The following FAM81A variants were observed in gnomAD, a reference collection of about 807,000 sequenced individuals.
FAM81A encodes the protein family with sequence similarity 81 member A, also known as protein FAM81A.
Under a neutral mutation model 46.7 loss-of-function variants are expected in FAM81A, and 19 were observed. The observed-to-expected ratio is 0.41, with a 90% CI of 0.28 to 0.60. The LOEUF (loss-of-function observed/expected upper bound fraction) is 0.60. Ranked by LOEUF, FAM81A falls within the 20% of genes least tolerant of loss-of-function variation. FAM81A has a pLI of 0.34. For synonymous variants in FAM81A, 183 were observed against 152.9 expected, an observed-to-expected ratio of 1.20 and a Z score of -1.45; for missense variants, 377 against 453.5, an observed-to-expected ratio of 0.83 and a Z score of 1.53.
chr15:59,431,264 T>C (rs111334194), intron 2 of FAM81A, among the ~76,000 whole-genome samples: 66 of 152,170 alleles, frequency 4.3e-4, no homozygotes, highest in African/African-American at 1.5e-3. Context: ...AGATGGAGTC[T>C]CGCTTTGTCA....
intron 1 of FAM81A, among the ~76,000 whole-genome samples, chr15:59,440,475 C>T (rs77538017): frequency 0.046 from 6,936 of 152,272 alleles, 226 homozygotes; most frequent in Non-Finnish European, 0.068. Context: ...CAGCTTCATT[C>T]TCTTCTCTGC....
chr15:59,509,586 C>T (rs530419257), intron 6 of FAM81A, among the ~76,000 whole-genome samples: 6 of 152,146 alleles, frequency 3.9e-5, no homozygotes, highest in African/African-American at 1.2e-4. Context: ...ACAATGGAAG[C>T]GAGACTGCAG....
At chr15:59,503,532 G>A (rs952352476) in intron 4 of FAM81A, among the ~76,000 whole-genome samples, 2 of 151,760 alleles carry the variant, frequency 1.3e-5, no homozygotes, top group Non-Finnish European at 2.9e-5. Context: ...ATTGGATATG[G>A]AGTATTCTGC....
At chr15:59,433,683 C>G (rs2081230921), upstream of FAM81A, among the ~76,000 whole-genome samples, 1 of 152,170 alleles carries the variant, frequency 6.6e-6, no homozygotes, top group Non-Finnish European at 1.5e-5. Context: ...TTCTATTTTA[C>G]TATTAGCAAC....
intron 1 of FAM81A, among the ~76,000 whole-genome samples, chr15:59,451,075 T>G (rs1449292024): frequency 6.6e-6 from 1 of 152,214 alleles, no homozygotes; most frequent in African/African-American, 2.4e-5. Flanking sequence ...CATGTTTTGA[T>G]CATCATGTTT....
intron 1 of FAM81A, among the ~76,000 whole-genome samples, chr15:59,450,211 T>C (rs1234527627): frequency 6.6e-6 from 1 of 151,684 alleles, no homozygotes; most frequent in Non-Finnish European, 1.5e-5. Context: ...ATTACAGGCC[T>C]GAGCCACTGC....
At chr15:59,421,868 CCTCTATCT>C (rs1172203384) in intron 2 of FAM81A, among the ~76,000 whole-genome samples, 5 of 115,604 alleles carry the variant, frequency 4.3e-5, no homozygotes, top group African/African-American at 1.7e-4. Context: ...AACCCTCAAC[CCTCTATCT>C]ATCTATCTAT....
chr15:59,443,192 C>G (rs1346462592), intron 1 of FAM81A, among the ~76,000 whole-genome samples: 1 of 152,216 alleles, frequency 6.6e-6, no homozygotes, highest in East Asian at 1.9e-4. Flanking sequence ...AAGCAATTCT[C>G]CTGCCTCAGC....
chr15:59,498,593 G>T (rs1567070926), intron 4 of FAM81A, among the ~76,000 whole-genome samples: 1 of 152,096 alleles, frequency 6.6e-6, no homozygotes, highest in African/African-American at 2.4e-5. Flanking sequence ...CTCTTGTCTT[G>T]TTTTTTTATT....
Position 59,516,823 on chromosome 15 carries a change from A to T in FAM81A, c.965A>T (p.Lys322Ile). Residue 322 changes from lysine to isoleucine, a missense_variant, in exon 8 of 9, where the codon AAA becomes ATA. Physicochemically the swap from Lys to Ile is moderately radical, Grantham distance 102. Transcript: ENST00000288228. ...LQMNQNIKEM[K>I]AEVNAGFTAV... The stretch of plus-strand genomic sequence containing the variant: ...ATGAACCAGAACATCAAGGAAATGA[A>T]AGCAGAAGTTAATGCTGGTAGGCCA... The T allele has an allele frequency of 6.2e-7, 1 of 1,603,274 alleles. No individual in the cohort carries two copies. Among genetic ancestry groups the T allele is most frequent in the Non-Finnish European group, 8.5e-7 (1 of 1,176,648 alleles).
intron 2 of FAM81A, among the ~76,000 whole-genome samples, chr15:59,417,699 A>C (rs540644613): frequency 1.3e-5 from 2 of 152,308 alleles, no homozygotes; most frequent in Admixed American, 6.5e-5. Context: ...TGGGCAACAG[A>C]GTGAGACTCT....
At chr15:59,495,190 AT>A (rs1291914205) in intron 4 of FAM81A, among the ~76,000 whole-genome samples, 1 of 151,758 alleles carries the variant, frequency 6.6e-6, no homozygotes, top group Non-Finnish European at 1.5e-5. Flanking sequence ...GTCACTCCCC[AT>A]TTTTCCCCAG....
intron 1 of FAM81A, chr15:59,445,603 G>A (rs1230956855): frequency 6.6e-6 from 1 of 152,162 alleles, no homozygotes; most frequent in African/African-American, 2.4e-5. Context: ...CTGAGTGTGT[G>A]AAAAAGGGCA....
chr15:59,457,084 C>T (rs1214161241), intron 1 of FAM81A, among the ~76,000 whole-genome samples: 3 of 152,206 alleles, frequency 2.0e-5, no homozygotes, highest in Non-Finnish European at 1.5e-5. Flanking sequence ...ATTTCCCACA[C>T]TGGCCTGATT....
intron 2 of FAM81A, among the ~76,000 whole-genome samples, chr15:59,403,418 C>T (rs1255278496): frequency 6.6e-6 from 1 of 152,206 alleles, no homozygotes; most frequent in Non-Finnish European, 1.5e-5. Flanking sequence ...GAAAAGGCCA[C>T]ACAAGGACAC....
At chr15:59,483,664 A>G (rs2081882203) in intron 3 of FAM81A, among the ~76,000 whole-genome samples, 1 of 152,212 alleles carries the variant, frequency 6.6e-6, no homozygotes, top group East Asian at 1.9e-4. Flanking sequence ...ATACCCAGGA[A>G]TGTAATCTCA....
At chr15:59,514,766 T>A (rs2082249454) in intron 7 of FAM81A, among the ~76,000 whole-genome samples, 1 of 152,168 alleles carries the variant, frequency 6.6e-6, no homozygotes, top group Non-Finnish European at 1.5e-5. Context: ...TTGATCTGGG[T>A]TTGCTTTTTT....
intron 1 of FAM81A, among the ~76,000 whole-genome samples, chr15:59,398,759 GAAAAAA>G (rs71119468): frequency 6.5e-4 from 27 of 41,420 alleles, no homozygotes; most frequent in East Asian, 1.4e-3. Flanking sequence ...CTCTGTCTCA[GAAAAAA>G]AAAAAAAAAA....
intron 5 of FAM81A, among the ~76,000 whole-genome samples, chr15:59,507,730 A>G (rs1220303210): frequency 3.3e-5 from 5 of 152,336 alleles, no homozygotes; most frequent in South Asian, 4.1e-4. Flanking sequence ...GACTCATTGT[A>G]TGTACTACCT....
Sources: gnomAD v4.1 joint callset for allele counts (sites outside exome capture counted in the v4.1 genomes callset) on GRCh38, gnomAD v4.1.1 for gene constraint, MANE v1.5 for transcripts, NCBI Gene and HGNC (gene_info 2026-07-23, HGNC 2026-07-21) for gene names.